Variants in PLCXD1 observed in about 807,000 individuals in gnomAD.
PLCXD1 encodes PI-PLC X domain-containing protein 1.
In PLCXD1, 45 loss-of-function variants were observed where a neutral mutation model predicts 37.8. The ratio of observed to expected loss-of-function variants is 1.19; its 90% CI spans 0.94 to 1.53. The LOEUF is 1.53. Among genes scored for constraint, PLCXD1 ranks in the 40% most tolerant of loss-of-function variants. PLCXD1 has a pLI of 0.00. For missense variants in PLCXD1, 539 were observed against 454.7 expected (o/e 1.19, Z -1.69); for synonymous variants, 246 against 206.9 (o/e 1.19, Z -1.62).
In PLCXD1 at chrX:298,762, G is replaced by A. The variant is rs1453335267; in HGVS notation, c.734-335G>A. ...CTGTCTATCACATGGGGATTAGGAC[G>A]TGGACATCTTTGGGGACATTATTCT... On this transcript the variant is annotated intron_variant, in intron 6 of 6. Coordinates refer to ENST00000381657, the MANE Select transcript of PLCXD1 (RefSeq NM_018390.4). Among the ~76,000 whole-genome samples the A allele has an allele frequency of 4.3e-5, 4 of 92,404 alleles. No individual in the cohort carries two copies. In the East Asian group the frequency reaches 1.2e-3, roughly 27 times the overall value. 60.6% of individuals were successfully genotyped at this position (92,404 alleles called of 152,430 possible). A position where few individuals can be genotyped will look rare whatever the true frequency, so the allele number is the denominator to read the frequency against.
chrX:292,221 C>T (rs1406859799), intron 5 of PLCXD1, among the ~76,000 whole-genome samples: 9 of 152,000 alleles, frequency 5.9e-5, no homozygotes, highest in African/African-American at 9.7e-5. Context: ...TTTGGGAGGC[C>T]GAGGCGGGCG....
rs28544879 is a variant in PLCXD1, at chrX:286,585, C to G, written c.128-2148C>G. ...TCTTGGCCTTTTTAAAGGCTTACAACTCTGAGGGGTCCACGTGAAGGGGTC... is the reference window on the plus strand; with the variant it reads ...TCTTGGCCTTTTTAAAGGCTTACAAGTCTGAGGGGTCCACGTGAAGGGGTC... On this transcript the variant is annotated intron_variant, in intron 2 of 6. Coordinates refer to ENST00000381657, the MANE Select transcript of PLCXD1 (RefSeq NM_018390.4). Among the ~76,000 whole-genome samples, 92 of 152,250 alleles carry G rather than the reference C, an allele frequency of 6.0e-4. 1 individual carries two copies. Among genetic ancestry groups the G allele is most frequent in the African/African-American group, 2.1e-3 (86 of 41,548 alleles).
chrX:294,218 C>A (rs981885728), intron 6 of PLCXD1, among the ~76,000 whole-genome samples: 1 of 152,070 alleles, frequency 6.6e-6, no homozygotes, highest in Admixed American at 6.5e-5. Flanking sequence ...CGCGGTGGCT[C>A]ACGCCTGTAA....
Position 299,635 on chromosome X carries a change from T to A in PLCXD1, c.*300T>A. 1 of 495,950 alleles carries A rather than the reference T, an allele frequency of 2.0e-6. No homozygotes were observed. Among genetic ancestry groups the A allele is most frequent in the South Asian group, 2.4e-5 (1 of 42,378 alleles). 30.7% of individuals were successfully genotyped at this position (495,950 alleles called of 1,614,324 possible). A position where few individuals can be genotyped will look rare whatever the true frequency, so the allele number is the denominator to read the frequency against. ...TAGCTGGGTGTGTGGCAGGCGCCTG[T>A]AGTCCCAGTTACTCGGGAGGCTCAG... On this transcript the variant is annotated 3_prime_UTR_variant, in exon 7 of 7. Coordinates refer to ENST00000381657, the MANE Select transcript of PLCXD1 (RefSeq NM_018390.4).
rs755782273 is a variant in PLCXD1 at position 290,417 on chromosome X, G to A, written c.265-231G>A. On this transcript the variant is annotated intron_variant, in intron 3 of 6. Transcript: ENST00000381657. Reference sequence around the variant, plus strand: ...TGCACTCCAGCCTGGGTGACAGAGCGAGACTCCGTCTCAAAAAAAAAAAAA... The same window carrying A: ...TGCACTCCAGCCTGGGTGACAGAGCAAGACTCCGTCTCAAAAAAAAAAAAA... Among the ~76,000 whole-genome samples the A allele has an allele frequency of 2.7e-3, 370 of 138,472 alleles. 1 individual carries two copies. The highest frequency in any genetic ancestry group is 9.3e-3 in the African/African-American group (337 of 36,270). 90.8% of individuals were successfully genotyped at this position (138,472 alleles called of 152,430 possible).
intron 3 of PLCXD1, among the ~76,000 whole-genome samples, chrX:289,517 T>TTC: frequency 5.4e-5 from 1 of 18,630 alleles, no homozygotes; most frequent in Non-Finnish European, 1.1e-4. Context: ...TTTCTTTTTC[T>TTC]TTTTTTTTTT....
chrX:296,143 CAG>C (rs1195498281), intron 6 of PLCXD1, among the ~76,000 whole-genome samples: 2 of 150,360 alleles, frequency 1.3e-5, no homozygotes, highest in East Asian at 2.0e-4. Context: ...GTTTTTGAGA[CAG>C]AGTCTTGCTC....
At chrX:281,313 G>T, upstream of PLCXD1, 1 of 162,346 alleles carries the variant, frequency 6.2e-6, no homozygotes, top group South Asian at 1.4e-4. Context: ...GGCTGATAAA[G>T]AATGGGCTCC....
At chrX:290,928 G>T (rs28671158) in intron 4 of PLCXD1, 152 bp downstream of exon 4, 1,059 of 74,864 alleles carry the variant, frequency 0.014, 62 homozygotes, top group African/African-American at 0.088. Flanking sequence ...TGGGAAGCAA[G>T]GGGGACAGCG....
At chrX:287,611 T>C (rs1365731409) in intron 2 of PLCXD1, among the ~76,000 whole-genome samples, 1 of 86,576 alleles carries the variant, frequency 1.2e-5, no homozygotes, top group African/African-American at 3.9e-5. Flanking sequence ...TATATAGATA[T>C]AGATACTATA....
intron 6 of PLCXD1, among the ~76,000 whole-genome samples, chrX:297,668 A>T (rs1362184801): frequency 6.4e-5 from 3 of 47,022 alleles, no homozygotes; most frequent in Admixed American, 5.5e-4. Flanking sequence ...TCTGTCTATC[A>T]CATGGGGATT....
rs185597907 is a variant in PLCXD1, at chrX:290,153, C to T, written c.265-495C>T. Among the ~76,000 whole-genome samples, 595 of 152,156 alleles carry T rather than the reference C, an allele frequency of 3.9e-3. 3 individuals are homozygous for T. Among genetic ancestry groups the T allele is most frequent in the African/African-American group, 0.013 (548 of 41,534 alleles). ...TTTAAAATTTTTAGTAGAGGCCGGG[C>T]GCGGTGGCTCACGCCTGTAATCCCA... On this transcript the variant is annotated intron_variant, in intron 3 of 6. Transcript: ENST00000381657.
chrX:300,480 ATATGTG>A lies in PLCXD1; in HGVS notation c.*1147_*1152del, dbSNP rs1185133195. ...TGTGTATATGTGTGTGTGTGTGTGT[ATATGTG>A]TGTATGTGTGTATATATGTATATGT... On this transcript the variant is annotated 3_prime_UTR_variant, in exon 7 of 7. Coordinates refer to ENST00000381657, the MANE Select transcript of PLCXD1 (RefSeq NM_018390.4). 1.5e-5 allele frequency: 2 copies of A among 137,912 alleles called. No individual in the cohort carries two copies. The highest frequency in any genetic ancestry group is 3.0e-5 in the African/African-American group (1 of 33,832). The allele number at this position is 137,912 out of a possible 1,614,324, so 8.5% of individuals were successfully genotyped here.
At chrX:276,473 G>C (rs2069159321), upstream of PLCXD1, 1 of 152,352 alleles carries the variant, frequency 6.6e-6, no homozygotes, top group Admixed American at 6.5e-5. Context: ...CCTGTTGTGG[G>C]CTGGGAATCA....
chrX:285,703 A>C (rs1305438818), intron 2 of PLCXD1, among the ~76,000 whole-genome samples: 18 of 152,102 alleles, frequency 1.2e-4, no homozygotes, highest in Non-Finnish European at 1.9e-4. Context: ...GTACATGTTT[A>C]AACACAGGCA....
intron 3 of PLCXD1, among the ~76,000 whole-genome samples, chrX:289,296 T>G (rs186964986): frequency 1.8e-4 from 27 of 151,984 alleles, no homozygotes; most frequent in Non-Finnish European, 3.2e-4. Context: ...ACCGTGTTAG[T>G]CAGGATGGTC....
intron 2 of PLCXD1, among the ~76,000 whole-genome samples, chrX:285,929 A>T (rs188944715): frequency 1.3e-5 from 2 of 152,262 alleles, no homozygotes; most frequent in East Asian, 3.9e-4. Flanking sequence ...AAGAAAGTGC[A>T]CATCAGGAGA....
At chrX:292,975 C>T (rs888521286) in intron 5 of PLCXD1, 60 bp from the exon 6 acceptor site, 3 of 1,220,074 alleles carry the variant, frequency 2.5e-6, no homozygotes, top group African/African-American at 1.5e-5. Flanking sequence ...GCCCTCCGCT[C>T]TCCCAGGTGC....
chrX:292,128 C>T (rs1037087905), intron 5 of PLCXD1, among the ~76,000 whole-genome samples: 3 of 150,510 alleles, frequency 2.0e-5, no homozygotes, highest in Non-Finnish European at 4.4e-5. Context: ...GGTGAAACCC[C>T]GTCTCTACTA....
Sources: gnomAD v4.1 joint callset for allele counts (sites outside exome capture counted in the v4.1 genomes callset) on GRCh38, gnomAD v4.1.1 for gene constraint, MANE v1.5 for transcripts, NCBI Gene and HGNC (gene_info 2026-07-23, HGNC 2026-07-21) for gene names.